The following PDE4D variants were observed in gnomAD, a reference collection of about 807,000 sequenced individuals.
PDE4D encodes 3',5'-cyclic-AMP phosphodiesterase 4D.
Under a neutral mutation model 87.4 loss-of-function variants are expected in PDE4D, and 24 were observed. The observed-to-expected ratio is 0.27, with a 90% confidence interval of 0.20 to 0.39. The LOEUF is 0.39. PDE4D is among the 10% of genes least tolerant of loss of function. PDE4D has a pLI of 1.00. For missense variants in PDE4D, 714 were observed against 1,041.0 expected (o/e 0.69, Z 4.32); for synonymous variants, 384 against 383.2 (o/e 1.00, Z -0.02).
chr5:60,231,608 C>T (rs918147608), intron 1 of PDE4D, among the ~76,000 whole-genome samples: 1 of 151,848 alleles, frequency 6.6e-6, no homozygotes, highest in African/African-American at 2.4e-5. Context: ...TTGAACAATA[C>T]ACGGGAACAT....
intron 2 of PDE4D, among the ~76,000 whole-genome samples, chr5:59,206,780 T>G (rs1461495284): frequency 6.6e-6 from 1 of 152,136 alleles, no homozygotes; most frequent in Admixed American, 6.6e-5. Context: ...GCACATCAAT[T>G]AATACACACC....
In PDE4D at chr5:60,178,570, T is replaced by C. The variant is rs573279915; in HGVS notation, c.42+6987A>G. Among the ~76,000 whole-genome samples, 68 of 152,296 alleles carry C rather than the reference T, an allele frequency of 4.5e-4. No homozygotes were observed. In the South Asian group the frequency reaches 0.014, roughly 31 times the overall value. On this transcript the variant is annotated intron_variant, in intron 2 of 16. Transcript: ENST00000502484. ...TGAGCAATGTCTAGGTCTCTTGGTA[T>C]GTTCAAATAGAACCCTGCTGGCAAA... is the stretch of plus-strand genomic sequence containing the variant.
intron 1 of PDE4D, among the ~76,000 whole-genome samples, chr5:59,286,539 T>C (rs1766985758): frequency 6.6e-6 from 1 of 152,218 alleles, no homozygotes; most frequent in African/African-American, 2.4e-5. Flanking sequence ...GGTAAACTTA[T>C]TACTCTGGAC....
chr5:60,469,534 C>T (rs1747659665), intron 1 of PDE4D, among the ~76,000 whole-genome samples: 1 of 152,210 alleles, frequency 6.6e-6, no homozygotes, highest in Non-Finnish European at 1.5e-5. Context: ...TTTGCGGATA[C>T]TGTGTTTTGT....
intron 1 of PDE4D, among the ~76,000 whole-genome samples, chr5:60,238,563 T>A (rs951535282): frequency 6.6e-6 from 1 of 152,042 alleles, no homozygotes; most frequent in African/African-American, 2.4e-5. Flanking sequence ...CTGGTTGGTA[T>A]GAAATAAAAT....
chr5:59,630,758 A>G (rs1278219447), intron 1 of PDE4D, among the ~76,000 whole-genome samples: 3 of 152,154 alleles, frequency 2.0e-5, no homozygotes, highest in African/African-American at 7.2e-5. Context: ...CAGAAGTCCA[A>G]CTGCTGCCTA....
chr5:60,500,380 T>C (rs1750014590), intron 1 of PDE4D, among the ~76,000 whole-genome samples: 1 of 152,178 alleles, frequency 6.6e-6, no homozygotes, highest in Admixed American at 6.5e-5. Flanking sequence ...AATTTCCACT[T>C]GAAAATATTT....
intron 2 of PDE4D, among the ~76,000 whole-genome samples, chr5:60,009,988 T>C (rs1290250136): frequency 6.6e-6 from 1 of 152,088 alleles, no homozygotes; most frequent in Non-Finnish European, 1.5e-5. Context: ...GGCCTCTATT[T>C]TTTTTAAACA....
intron 1 of PDE4D, among the ~76,000 whole-genome samples, chr5:59,818,892 A>G (rs1159504347): frequency 6.6e-6 from 1 of 151,974 alleles, no homozygotes; most frequent in Non-Finnish European, 1.5e-5. Context: ...CACAAGAAAT[A>G]GAGTAGCAGG....
intron 1 of PDE4D, among the ~76,000 whole-genome samples, chr5:59,496,938 C>A (rs958896976): frequency 6.6e-6 from 1 of 152,142 alleles, no homozygotes; most frequent in Non-Finnish European, 1.5e-5. Flanking sequence ...TCTGCCCTTG[C>A]CCCTACCTTC....
intron 2 of PDE4D, among the ~76,000 whole-genome samples, chr5:60,047,436 T>C (rs1295881130): frequency 1.3e-5 from 2 of 152,234 alleles, no homozygotes; most frequent in African/African-American, 2.4e-5. Context: ...CTCTTGCTTT[T>C]CTAGTTCTTT....
chr5:59,896,604 C>T (rs1419799907), upstream of PDE4D, among the ~76,000 whole-genome samples: 2 of 152,130 alleles, frequency 1.3e-5, no homozygotes, highest in Admixed American at 6.5e-5. Context: ...ATCAAGGCAT[C>T]GGCATTTTAA....
rs566281719 is a variant in PDE4D at position 60,506,848 on chromosome 5, C to A, written n.70+15203G>T. ...TAAGTAAATCATAGTTCAACTGGGACAAAATATGGTTGCAATATTTCTTCT... is the reference window on the plus strand; with the variant it reads ...TAAGTAAATCATAGTTCAACTGGGAAAAAATATGGTTGCAATATTTCTTCT... On this transcript the variant is annotated intron_variant and non_coding_transcript_variant, in intron 1 of 2. Transcript: ENST00000506510. 2.1e-4 allele frequency among the ~76,000 whole-genome samples: 30 copies of A among 141,972 alleles called. No homozygotes were observed. In the South Asian group the frequency reaches 7.6e-3, roughly 36 times the overall value. The allele number at this position is 141,972 out of a possible 152,430, so 93.1% of individuals were successfully genotyped here.
intron 5 of PDE4D, among the ~76,000 whole-genome samples, chr5:59,178,561 C>G (rs1280099645): frequency 2.0e-5 from 3 of 152,074 alleles, no homozygotes; most frequent in Admixed American, 2.0e-4. Flanking sequence ...AGTGTGTGCC[C>G]TTTGAGTGTA....
At chr5:59,653,273 C>G (rs1166776366) in intron 1 of PDE4D, among the ~76,000 whole-genome samples, 1 of 142,860 alleles carries the variant, frequency 7.0e-6, no homozygotes, top group African/African-American at 2.6e-5. Context: ...GTGGCACAAT[C>G]TCTGCTCACT....
At chr5:59,157,813 A>C (rs1387421358) in intron 5 of PDE4D, among the ~76,000 whole-genome samples, 1 of 152,220 alleles carries the variant, frequency 6.6e-6, no homozygotes, top group Admixed American at 6.5e-5. Flanking sequence ...TAACTGCTTT[A>C]ACAAGCTGGA....
At chr5:59,942,796 G>A (rs1410120085) in intron 3 of PDE4D, among the ~76,000 whole-genome samples, 1 of 143,374 alleles carries the variant, frequency 7.0e-6, no homozygotes, top group Non-Finnish European at 1.5e-5. Flanking sequence ...CTGGGCAAGT[G>A]TGGCTTTGCA....
At chr5:59,395,304 C>T (rs1384001975) in intron 1 of PDE4D, among the ~76,000 whole-genome samples, 3 of 152,230 alleles carry the variant, frequency 2.0e-5, no homozygotes, top group Non-Finnish European at 4.4e-5. Flanking sequence ...AACAAAAAGA[C>T]AGCAGTAACC....
At chr5:60,155,117 T>C (rs1449469201) in intron 2 of PDE4D, among the ~76,000 whole-genome samples, 2 of 152,212 alleles carry the variant, frequency 1.3e-5, no homozygotes, top group Non-Finnish European at 1.5e-5. Context: ...CATCTAGGAC[T>C]AGAATTACTG....
Sources: allele counts gnomAD v4.1 joint callset (sites outside exome capture counted in the v4.1 genomes callset), GRCh38; gene constraint gnomAD v4.1.1; transcripts MANE v1.5; gene names NCBI Gene and HGNC (gene_info 2026-07-23, HGNC 2026-07-21).